Variants in CLASP2 observed in about 807,000 individuals in gnomAD.
CLASP2 encodes CLIP-associating protein 2.
CLASP2 carries 47 observed loss-of-function variants against 194.4 expected under a neutral mutation model. The observed-to-expected ratio is 0.24, with a 90% CI of 0.19 to 0.31. CLASP2 has a LOEUF of 0.31. Ranked by LOEUF, CLASP2 falls within the 10% of genes least tolerant of loss-of-function variation. The pLI is 1.00. For synonymous variants in CLASP2, 619 were observed against 633.5 expected, an observed-to-expected ratio of 0.98 and a Z score of 0.34; for missense variants, 1,445 against 1,823.6, an observed-to-expected ratio of 0.79 and a Z score of 3.78.
intron 23 of CLASP2, chr3:33,577,334 C>G: frequency 7.8e-7 from 1 of 1,287,012 alleles, no homozygotes; most frequent in Non-Finnish European, 1.1e-6. Context: ...GCACTACTGT[C>G]AGGCAAGGAG....
intron 3 of CLASP2, among the ~76,000 whole-genome samples, chr3:33,689,064 T>C (rs915415227): frequency 6.6e-6 from 1 of 152,020 alleles, no homozygotes; most frequent in Non-Finnish European, 1.5e-5. Flanking sequence ...ATATACAACA[T>C]ACACAGCCAT....
intron 6 of CLASP2, among the ~76,000 whole-genome samples, chr3:33,668,052 T>C (rs1414552603): frequency 1.3e-5 from 2 of 152,146 alleles, no homozygotes; most frequent in Non-Finnish European, 2.9e-5. Flanking sequence ...ACCCCGTCTC[T>C]ACTAAAAGTA....
intron 34 of CLASP2, among the ~76,000 whole-genome samples, chr3:33,524,925 C>G (rs1328291583): frequency 6.6e-6 from 1 of 152,060 alleles, no homozygotes; most frequent in Non-Finnish European, 1.5e-5. Flanking sequence ...AACAAAGAGA[C>G]AGAAGTAAGA....
In CLASP2 at chr3:33,543,506, G is replaced by A. The variant is rs940696009; in HGVS notation, c.3331C>T (p.Pro1111Ser). Residue 1111 changes from proline (P) to serine (S), a missense_variant, in exon 32 of 39, where the codon CCA becomes TCA. Pro to Ser is a moderately conservative substitution (Grantham distance 74). Around this residue, in one of 4 missense-constraint regions of CLASP2, gnomAD observed 732 missense variants for 987.9 expected, o/e 0.74. Transcript: ENST00000682230. ...SMGSPLTRPT[P>S]RSPANWSSPL... Reference sequence around the variant, plus strand: ...CTGGACCAGTTAGCTGGTGATCGTGGTGTTGGTCTTGTCAAAGGACTCCCC... The same window carrying A: ...CTGGACCAGTTAGCTGGTGATCGTGATGTTGGTCTTGTCAAAGGACTCCCC... 4.3e-6 allele frequency: 7 copies of A among 1,613,388 alleles called. No individual in the cohort carries two copies. The highest frequency in any genetic ancestry group is 5.9e-6 in the Non-Finnish European group (7 of 1,179,322).
chr3:33,674,063 G>T (rs1559601813), intron 6 of CLASP2, among the ~76,000 whole-genome samples: 1 of 152,096 alleles, frequency 6.6e-6, no homozygotes, highest in African/African-American at 2.4e-5. Context: ...GGATACCCAG[G>T]AATTGAATTC....
chr3:33,596,548 C>A, intron 19 of CLASP2, 163 bp downstream of exon 19: 1 of 675,242 alleles, frequency 1.5e-6, no homozygotes, highest in Non-Finnish European at 2.6e-6. Context: ...TCCCTAACCC[C>A]AAATTCATTC....
intron 29 of CLASP2, among the ~76,000 whole-genome samples, chr3:33,553,937 A>G (rs1447137194): frequency 6.6e-6 from 1 of 152,086 alleles, no homozygotes; most frequent in African/African-American, 2.4e-5. Context: ...ATACCAAGAT[A>G]TGGAATCGGC....
intron 7 of CLASP2, among the ~76,000 whole-genome samples, chr3:33,652,697 T>G (rs1208960067): frequency 6.6e-6 from 1 of 152,180 alleles, no homozygotes; most frequent in Non-Finnish European, 1.5e-5. Context: ...TCCAATTGCC[T>G]ACTAGGTATC....
rs560608394 is a variant in CLASP2 at position 33,700,241 on chromosome 3, G to A, written c.196-3308C>T. Among the ~76,000 whole-genome samples, 369 of 150,404 alleles carry A rather than the reference G, an allele frequency of 2.5e-3. 2 individuals are homozygous for A. The highest frequency in any genetic ancestry group is 8.8e-3 in the African/African-American group (360 of 41,006). The stretch of plus-strand genomic sequence containing the variant: ...CAGGAGTTCGAGACCAGCCTGGCCA[G>A]CATGGCAAAACCCCATCTCTACTAA... On this transcript the variant is annotated intron_variant, in intron 1 of 38. Transcript: ENST00000682230.
At chr3:33,651,715 AAT>A (rs1348002141) in intron 7 of CLASP2, among the ~76,000 whole-genome samples, 1 of 142,690 alleles carries the variant, frequency 7.0e-6, no homozygotes, top group Non-Finnish European at 1.5e-5. Flanking sequence ...GCTGGAGTGC[AAT>A]GGTGTGATCT....
intron 21 of CLASP2, chr3:33,588,864 C>CA: frequency 1.7e-6 from 1 of 600,024 alleles, no homozygotes; most frequent in Non-Finnish European, 3.0e-6. Flanking sequence ...AACCCTAAGG[C>CA]AAAAAAAGCA....
intron 21 of CLASP2, among the ~76,000 whole-genome samples, chr3:33,590,145 G>C (rs904861472): frequency 6.6e-6 from 1 of 151,988 alleles, no homozygotes; most frequent in Non-Finnish European, 1.5e-5. Context: ...CATATATAGT[G>C]CTTATTCAGG....
intron 25 of CLASP2, 37 bp downstream of exon 25, chr3:33,573,073 C>A: frequency 6.2e-7 from 1 of 1,610,504 alleles, no homozygotes; most frequent in Middle Eastern, 1.7e-4. Flanking sequence ...AAAGCGCTAA[C>A]CTGATAGTAA....
At chr3:33,568,592 C>A (rs867711131) in intron 26 of CLASP2, among the ~76,000 whole-genome samples, 11 of 124,194 alleles carry the variant, frequency 8.9e-5, no homozygotes, top group South Asian at 5.2e-4. Context: ...ACACACACAC[C>A]CCCTCACATT....
chr3:33,559,701 C>T (rs1215404090), intron 28 of CLASP2, among the ~76,000 whole-genome samples: 1 of 151,942 alleles, frequency 6.6e-6, no homozygotes, highest in Non-Finnish European at 1.5e-5. Context: ...TCGAGACCAG[C>T]GTGACCAACA....
At chr3:33,632,663 A>G (rs145257359) in intron 8 of CLASP2, among the ~76,000 whole-genome samples, 19 of 152,322 alleles carry the variant, frequency 1.2e-4, no homozygotes, top group Admixed American at 5.2e-4. Flanking sequence ...ACAAATAAAC[A>G]TAAGTAAGGA....
intron 7 of CLASP2, among the ~76,000 whole-genome samples, chr3:33,657,254 G>A (rs538742586): frequency 5.3e-5 from 8 of 152,174 alleles, no homozygotes; most frequent in African/African-American, 1.9e-4. Context: ...ATACGCAGGA[G>A]TATATATCAA....
intron 6 of CLASP2, chr3:33,683,232 T>C (rs1382658809): frequency 6.6e-6 from 1 of 152,202 alleles, no homozygotes; most frequent in Non-Finnish European, 1.5e-5. Context: ...TAAATGAATA[T>C]ATAATGAAAC....
At chr3:33,521,886 T>G (rs376316338) in intron 34 of CLASP2, among the ~76,000 whole-genome samples, 104 of 83,528 alleles carry the variant, frequency 1.2e-3, no homozygotes, top group Middle Eastern at 0.013. Flanking sequence ...CACTCCCCCC[T>G]CCACCAGCCC....
Sources: gnomAD v4.1 joint callset for allele counts (sites outside exome capture counted in the v4.1 genomes callset) on GRCh38, gnomAD v4.1.1 for gene constraint, gnomAD v4.1.1 regional missense constraint, MANE v1.5 for transcripts, NCBI Gene and HGNC (gene_info 2026-07-23, HGNC 2026-07-21) for gene names.